SLC39A5: variants seen among roughly 807,000 people sequenced by gnomAD.
SLC39A5 encodes zinc transporter ZIP5.
SLC39A5 carries 42 observed loss-of-function variants against 46.9 expected under a neutral mutation model. The ratio of observed to expected loss-of-function variants is 0.90; its 90% CI spans 0.70 to 1.16. The LOEUF is 1.16. Ranked by LOEUF, SLC39A5 falls within the 50% of genes most tolerant of loss-of-function variation. The pLI is 0.00. For missense variants in SLC39A5, 677 were observed against 686.8 expected (o/e 0.99, Z 0.16); for synonymous variants, 311 against 323.1 (o/e 0.96, Z 0.40).
Position 56,235,173 on chromosome 12 carries a change from C to G in SLC39A5, c.651C>G (p.Ala217=), listed in dbSNP as rs1314770940. Residue 217 remains alanine (A), a synonymous_variant, in exon 7 of 13, where the codon GCC becomes GCG. Coordinates refer to ENST00000454355, the MANE Select transcript of SLC39A5 (RefSeq NM_173596.3). ...GDLLSALLQS[A]LAVLLLSLPS... is the part of the protein sequence containing the mutation. The stretch of plus-strand genomic sequence containing the variant: ...TCTCCCCAGCCCTGCTTCAGAGTGC[C>G]CTGGCAGTCCTGTTGCTCAGCCTCC... The G allele has an allele frequency of 1.3e-6, 2 of 1,549,706 alleles. No individual in the cohort carries two copies. Among genetic ancestry groups the G allele is most frequent in the Non-Finnish European group, 1.7e-6 (2 of 1,149,572 alleles).
rs1260610363 is a variant in SLC39A5 at position 56,237,143 on chromosome 12, C to G, written c.1289-7C>G. On this transcript the variant is annotated splice_region_variant and splice_polypyrimidine_tract_variant and intron_variant, in intron 11 of 12. Transcript: ENST00000454355. Reference sequence around the variant, plus strand: ...CTCCCTCCCATCCTGTCCTCTGTCTCCAATAGGTGACTTTGCCATGCTGCT... The same window carrying G: ...CTCCCTCCCATCCTGTCCTCTGTCTGCAATAGGTGACTTTGCCATGCTGCT... 6.2e-7 allele frequency: 1 copy of G among 1,613,802 alleles called. No homozygotes were observed. The highest frequency in any genetic ancestry group is 1.3e-5 in the African/African-American group (1 of 75,034).
chr12:56,235,709 T>C lies in SLC39A5; in HGVS notation c.945+9T>C. The C allele has an allele frequency of 1.2e-6, 2 of 1,613,738 alleles. No homozygotes were observed. Among genetic ancestry groups the C allele is most frequent in the East Asian group, 2.2e-5 (1 of 44,864 alleles). On this transcript the variant is annotated intron_variant, in intron 8 of 12. Coordinates refer to ENST00000454355, the MANE Select transcript of SLC39A5 (RefSeq NM_173596.3). Reference sequence around the variant, plus strand: ...ACCGAGGGCTCAGGCCAGTGAGTGATACCCTTTTCTCCTCCTTCTGCTGAG... The same window carrying C: ...ACCGAGGGCTCAGGCCAGTGAGTGACACCCTTTTCTCCTCCTTCTGCTGAG...
chr12:56,235,767 G>A (rs746323596), intron 8 of SLC39A5, 67 bp downstream of exon 8: 270 of 1,599,938 alleles, frequency 1.7e-4, no homozygotes, highest in Admixed American at 3.9e-4. Context: ...GGGCCAGGCC[G>A]GGCGCGGTGG....
intron 7 of SLC39A5, 27 bp downstream of exon 7, chr12:56,235,353 CT>C (rs1161174962): frequency 6.6e-7 from 1 of 1,507,780 alleles, no homozygotes; most frequent in Non-Finnish European, 8.8e-7. Context: ...CCTTGTACCC[CT>C]GGCCTCCATG....
intron 5 of SLC39A5, among the ~76,000 whole-genome samples, 188 bp downstream of exon 5, chr12:56,233,060 G>C (rs569724746): frequency 2.6e-5 from 4 of 151,934 alleles, no homozygotes; most frequent in Admixed American, 2.0e-4. Flanking sequence ...TCAGGAGTTC[G>C]AGACCAGCCT....
rs937867192 is a variant in SLC39A5 at position 56,237,407 on chromosome 12, G to A, written c.1479+67G>A. ...GGAGGCGGGAGTGGAGAGGGAGGTA[G>A]CAGTCCCTCCGCCTCTACCATTAGC... On this transcript the variant is annotated intron_variant, in intron 12 of 12. Coordinates refer to ENST00000454355, the MANE Select transcript of SLC39A5 (RefSeq NM_173596.3). 3.9e-6 allele frequency: 6 copies of A among 1,529,736 alleles called. No individual in the cohort carries two copies. In the Admixed American group the frequency reaches 1.1e-4, roughly 29 times the overall value. The allele number at this position is 1,529,736 out of a possible 1,614,324, so 94.8% of individuals were successfully genotyped here.
At position 56,235,246 on chromosome 12, in the gene SLC39A5, C is replaced by G. The variant is rs1198935970; in HGVS notation, c.724C>G (p.Leu242Val). The G allele has an allele frequency of 1.3e-6, 2 of 1,582,360 alleles. No homozygotes were observed. Among genetic ancestry groups the G allele is most frequent in the Non-Finnish European group, 1.7e-6 (2 of 1,166,664 alleles). The change falls in exon 7 of 13, where the codon CTA becomes GTA. Residue 242 changes from leucine to valine, a missense_variant. Leu to Val is a conservative substitution (Grantham distance 32). Coordinates refer to ENST00000454355, the MANE Select transcript of SLC39A5 (RefSeq NM_173596.3). ...GCTGCGGCTCCTGGGACCTCGTCTA[C>G]TACGGCCCTTGCTGGGCTTCCTGGG... ...LLLRLLGPRL[L>V]RPLLGFLGAL...
rs748493565 is a variant in SLC39A5 at position 56,235,720 on chromosome 12, C to T, written c.945+20C>T. 1.3e-5 allele frequency: 21 copies of T among 1,613,216 alleles called. No homozygotes were observed. The highest frequency in any genetic ancestry group is 1.0e-4 in the Admixed American group (6 of 59,964). On this transcript the variant is annotated intron_variant, in intron 8 of 12. Coordinates refer to ENST00000454355, the MANE Select transcript of SLC39A5 (RefSeq NM_173596.3). ...AGGCCAGTGAGTGATACCCTTTTCT[C>T]CTCCTTCTGCTGAGACCAGAGTCCC... is the stretch of plus-strand genomic sequence containing the variant.
At position 56,235,680 on chromosome 12, in the gene SLC39A5, C is replaced by T. The variant is rs765188311; in HGVS notation, c.925C>T (p.Arg309Trp). 15 of 1,613,814 alleles carry T rather than the reference C, an allele frequency of 9.3e-6. No homozygotes were observed. Among genetic ancestry groups the T allele is most frequent in the Admixed American group, 1.7e-5 (1 of 59,958 alleles). Residue 309 changes from arginine to tryptophan, a missense_variant, in exon 8 of 13, where the codon CGG (arginine) becomes TGG (tryptophan). Coordinates refer to ENST00000454355, the MANE Select transcript of SLC39A5 (RefSeq NM_173596.3). ...FVLENMLGLL[R>W]HRGLRPRCCR... ...GCTGGAGAACATGCTGGGGCTTTTGCGGCACCGAGGGCTCAGGCCAGTGAG... is the reference window on the plus strand; with the variant it reads ...GCTGGAGAACATGCTGGGGCTTTTGTGGCACCGAGGGCTCAGGCCAGTGAG...
chr12:56,235,442 T>C, intron 7 of SLC39A5, 116 bp downstream of exon 7: 1 of 1,512,060 alleles, frequency 6.6e-7, no homozygotes, highest in South Asian at 1.3e-5. Context: ...AGATCCTGGC[T>C]TCAGCCCACA....
At chr12:56,236,350 T>C (rs760087680) in intron 8 of SLC39A5, 46 bp from the exon 9 acceptor site, 14 of 1,579,910 alleles carry the variant, frequency 8.9e-6, no homozygotes, top group Non-Finnish European at 1.0e-5. Flanking sequence ...CCTTAGTCCC[T>C]GGCTCTGCTG....
Position 56,237,270 on chromosome 12 carries a change from C to T in SLC39A5, c.1409C>T (p.Pro470Leu). The T allele has an allele frequency of 1.9e-6, 3 of 1,613,748 alleles. No homozygotes were observed. Among genetic ancestry groups the T allele is most frequent in the Non-Finnish European group, 2.5e-6 (3 of 1,179,850 alleles). ...CTGGGGGTGGGGCTCAGCCTGGGCC[C>T]TGTCCCCCTCACTCCCTGGGTGTTT... Reference protein sequence around the residue: ...AVLGVGLSLGPVPLTPWVFGV... With the variant: ...AVLGVGLSLGLVPLTPWVFGV... The change falls in exon 12 of 13, where the codon CCT becomes CTT. Residue 470 changes from proline (P) to leucine (L), a missense_variant. Pro to Leu is a moderately conservative substitution (Grantham distance 98, BLOSUM62 -3). Transcript: ENST00000454355.
At chr12:56,235,027 G>GA (rs755596168) in intron 6 of SLC39A5, 41 bp downstream of exon 6, 1 of 1,608,518 alleles carries the variant, frequency 6.2e-7, no homozygotes, top group Admixed American at 1.7e-5. Context: ...CTGAATCCTG[G>GA]AAGTGGGGCC....
intron 2 of SLC39A5, 152 bp from the exon 3 acceptor site, chr12:56,230,679 G>A (rs534462121): frequency 6.6e-6 from 1 of 152,414 alleles, no homozygotes; most frequent in South Asian, 2.1e-4. Flanking sequence ...TCTCTTATGT[G>A]AGCCTTCACA....
At chr12:56,237,387 C>T (rs771025597) in intron 12 of SLC39A5, 47 bp downstream of exon 12, 10 of 1,549,824 alleles carry the variant, frequency 6.5e-6, no homozygotes, top group South Asian at 6.2e-5. Flanking sequence ...AGTGGGGAGG[C>T]GGGAGTGGAG....
At chr12:56,232,896 G>C (rs1314300355) in intron 5 of SLC39A5, 24 bp downstream of exon 5, 1 of 1,590,082 alleles carries the variant, frequency 6.3e-7, no homozygotes, top group African/African-American at 1.4e-5. Flanking sequence ...TCTCTAGAGG[G>C]GAAGGAGCCA....
chr12:56,231,437 G>T lies in SLC39A5; in HGVS notation c.163G>T (p.Ala55Ser). The T allele has an allele frequency of 5.6e-6, 9 of 1,614,106 alleles. No homozygotes were observed. Among genetic ancestry groups the T allele is most frequent in the Non-Finnish European group, 7.6e-6 (9 of 1,180,004 alleles). The change falls in exon 4 of 13, where the codon GCA (alanine) becomes TCA (serine). Residue 55 changes from alanine (A) to serine (S), a missense_variant. Transcript: ENST00000454355. ...GTACGGCGAGAATGGGACGCTGACTGCAGGGGGCTTGGCGCGGCTTCTCCA... is the reference window on the plus strand; with the variant it reads ...GTACGGCGAGAATGGGACGCTGACTTCAGGGGGCTTGGCGCGGCTTCTCCA... Reference protein sequence around the residue: ...GLYGENGTLTAGGLARLLHSL... With the variant: ...GLYGENGTLTSGGLARLLHSL...
At chr12:56,237,393 T>TGGAGA in intron 12 of SLC39A5, 53 bp downstream of exon 12, 1 of 1,544,870 alleles carries the variant, frequency 6.5e-7, no homozygotes, top group Non-Finnish European at 8.8e-7. Context: ...GAGGCGGGAG[T>TGGAGA]GGAGAGGGAG....
rs895032688 is a variant in SLC39A5, at chr12:56,235,555, G to A, written c.805-5G>A. On this transcript the variant is annotated splice_region_variant and splice_polypyrimidine_tract_variant and intron_variant, in intron 7 of 12. Transcript: ENST00000454355. Reference sequence around the variant, plus strand: ...CAGAGTCTGCCCTGACCTTCTCTCTGTCAGGCACAAGAAGGGCGGCACGCA... The same window carrying A: ...CAGAGTCTGCCCTGACCTTCTCTCTATCAGGCACAAGAAGGGCGGCACGCA... The A allele has an allele frequency of 6.2e-7, 1 of 1,613,438 alleles. No individual in the cohort carries two copies. Among genetic ancestry groups the A allele is most frequent in the Admixed American group, 1.7e-5 (1 of 59,774 alleles).
Sources: gnomAD v4.1 joint callset for allele counts (sites outside exome capture counted in the v4.1 genomes callset) on GRCh38, gnomAD v4.1.1 for gene constraint, MANE v1.5 for transcripts, NCBI Gene and HGNC (gene_info 2026-07-23, HGNC 2026-07-21) for gene names.